Variants in GRM7 observed in about 807,000 individuals in gnomAD.
GRM7 encodes the protein glutamate metabotropic receptor 7.
In GRM7, 35 loss-of-function variants were observed where a neutral mutation model predicts 84.5. The observed-to-expected ratio is 0.41, with a 90% CI of 0.32 to 0.55. The LOEUF (loss-of-function observed/expected upper bound fraction) is 0.55, where lower values mean the gene tolerates loss of function less well. GRM7 is among the 20% of genes least tolerant of loss of function. The pLI is 0.19. For synonymous variants in GRM7, 487 were observed against 455.1 expected (o/e 1.07, Z -0.89); for missense variants, 1,003 against 1,194.6 (o/e 0.84, Z 2.36).
At chr3:7,294,211 C>G (rs956842164) in intron 2 of GRM7, among the ~76,000 whole-genome samples, 1 of 152,204 alleles carries the variant, frequency 6.6e-6, no homozygotes, top group Non-Finnish European at 1.5e-5. Flanking sequence ...TGCCCCTCCA[C>G]TAGACATGTT....
chr3:7,084,719 T>A (rs1698384200), intron 1 of GRM7, among the ~76,000 whole-genome samples: 1 of 152,160 alleles, frequency 6.6e-6, no homozygotes, highest in Non-Finnish European at 1.5e-5. Flanking sequence ...GGAGTCACTC[T>A]TTAATAAATC....
rs1192553621 is a variant in GRM7, at chr3:6,861,344, C to G, written c.-45C>G. 4.8e-6 allele frequency: 7 copies of G among 1,456,816 alleles called. No individual in the cohort carries two copies. The East Asian group carries it at 7.7e-5, about 16-fold the overall frequency. 90.2% of individuals were successfully genotyped at this position (1,456,816 alleles called of 1,614,324 possible). A position where few individuals can be genotyped will look rare whatever the true frequency, so the allele number is the denominator to read the frequency against. ...GCCCGGACCTCGGCGAGCCCACCAC[C>G]GTTCCCTCCAGCGCCGCCGCCGCCA... On this transcript the variant is annotated 5_prime_UTR_variant, in exon 1 of 10. Transcript: ENST00000357716. This position sits in a 1 kb window ranked among gnomAD's most constrained non-coding sequence, Gnocchi z 6.4.
chr3:7,286,487 G>C (rs1284125067), intron 2 of GRM7, among the ~76,000 whole-genome samples: 1 of 151,872 alleles, frequency 6.6e-6, no homozygotes, highest in African/African-American at 2.4e-5. Context: ...CAAAAGCTTT[G>C]GTTTTATTTT....
intron 1 of GRM7, among the ~76,000 whole-genome samples, chr3:7,041,232 A>G (rs376065599): frequency 2.0e-5 from 3 of 152,350 alleles, no homozygotes; most frequent in African/African-American, 4.8e-5. Context: ...ACCACAATCA[A>G]GATAACAAGC....
chr3:7,693,380 C>T (rs1218340940), intron 9 of GRM7, among the ~76,000 whole-genome samples: 1 of 152,040 alleles, frequency 6.6e-6, no homozygotes, highest in Non-Finnish European at 1.5e-5. Context: ...ACCCCCTCAT[C>T]ACCTGCTCCT....
intron 3 of GRM7, among the ~76,000 whole-genome samples, chr3:7,301,107 A>T (rs1407876934): frequency 6.6e-6 from 1 of 151,796 alleles, no homozygotes; most frequent in African/African-American, 2.4e-5. Flanking sequence ...AAAATGCATA[A>T]CTCTTATCCT....
chr3:7,468,676 C>A (rs1698561748), intron 7 of GRM7, among the ~76,000 whole-genome samples: 1 of 152,156 alleles, frequency 6.6e-6, no homozygotes, highest in African/African-American at 2.4e-5. Flanking sequence ...ATCTGTAATA[C>A]CCACATGTCA....
chr3:7,082,492 T>C (rs1400755192), intron 1 of GRM7, among the ~76,000 whole-genome samples: 1 of 152,138 alleles, frequency 6.6e-6, no homozygotes. Flanking sequence ...AGGAAATTCA[T>C]GTTTTCATGG....
At chr3:7,164,263 G>A (rs960910107) in intron 2 of GRM7, among the ~76,000 whole-genome samples, 2 of 152,184 alleles carry the variant, frequency 1.3e-5, no homozygotes, top group Non-Finnish European at 2.9e-5. Flanking sequence ...GGAGGCTGAG[G>A]CAGGAGAATC....
intron 2 of GRM7, among the ~76,000 whole-genome samples, chr3:7,283,244 T>C (rs990101507): frequency 6.6e-6 from 1 of 152,126 alleles, no homozygotes; most frequent in Non-Finnish European, 1.5e-5. Context: ...GTATTTAACC[T>C]CCTCGTGCTT....
chr3:6,865,277 G>A (rs897110036), intron 1 of GRM7, among the ~76,000 whole-genome samples: 24 of 152,214 alleles, frequency 1.6e-4, no homozygotes, highest in African/African-American at 5.1e-4. Context: ...ACAGAGTTGG[G>A]ATGGCTGGAA....
chr3:7,225,878 T>A (rs532795796), intron 2 of GRM7, among the ~76,000 whole-genome samples: 1 of 152,140 alleles, frequency 6.6e-6, no homozygotes, highest in African/African-American at 2.4e-5. Context: ...AATCCACTTA[T>A]AATGACTTTT....
At chr3:7,449,199 A>T (rs62233373) in intron 5 of GRM7, among the ~76,000 whole-genome samples, 1 of 151,918 alleles carries the variant, frequency 6.6e-6, no homozygotes, top group Non-Finnish European at 1.5e-5. Flanking sequence ...ATGAAATACC[A>T]GTAAAATGAT....
chr3:7,056,274 A>G lies in GRM7; in HGVS notation c.520-90178A>G, dbSNP rs181526084. On this transcript the variant is annotated intron_variant, in intron 1 of 9. Transcript: ENST00000357716. ...TAGAGTTCTCAATGGCAGAGCTTCT[A>G]CAGGCATCGTGGCCATGGTCAGTTT... 3.0e-4 allele frequency among the ~76,000 whole-genome samples: 45 copies of G among 152,100 alleles called. No homozygotes were observed. In the East Asian group the frequency reaches 7.6e-3, roughly 26 times the overall value.
rs1559467732 is a variant in GRM7, at chr3:7,143,524, T to C, written c.520-2928T>C. The stretch of plus-strand genomic sequence containing the variant: ...TCTTAAGCCAGGAGATATTCCTTAT[T>C]TACACCGGAAGGGATAGACCACAGA... On this transcript the variant is annotated intron_variant, in intron 1 of 9. Transcript: ENST00000357716. 3.9e-5 allele frequency among the ~76,000 whole-genome samples: 6 copies of C among 152,128 alleles called. No homozygotes were observed. In the South Asian group the frequency reaches 1.2e-3, roughly 31 times the overall value.
chr3:6,900,083 T>C (rs770008804), intron 1 of GRM7, among the ~76,000 whole-genome samples: 255 of 152,310 alleles, frequency 1.7e-3, no homozygotes, highest in Non-Finnish European at 2.8e-3. Flanking sequence ...GTAAGGAAAT[T>C]ATTAGTTAAG....
chr3:7,656,109 C>G (rs985137451), intron 8 of GRM7, among the ~76,000 whole-genome samples: 2 of 152,118 alleles, frequency 1.3e-5, no homozygotes, highest in Admixed American at 1.3e-4. Flanking sequence ...GGGGTTCTGT[C>G]TAGTGCATGG....
At chr3:7,124,421 G>C (rs138991420) in intron 1 of GRM7, among the ~76,000 whole-genome samples, 1 of 152,110 alleles carries the variant, frequency 6.6e-6, no homozygotes, top group Non-Finnish European at 1.5e-5. Flanking sequence ...CAGGAGAATC[G>C]CTTCAACCCG....
chr3:7,428,606 C>T (rs991144481), intron 5 of GRM7, among the ~76,000 whole-genome samples: 1 of 152,120 alleles, frequency 6.6e-6, no homozygotes, highest in Non-Finnish European at 1.5e-5. Flanking sequence ...AGATGTTTGC[C>T]TACCATTTAT....
Sources: allele counts gnomAD v4.1 joint callset (sites outside exome capture counted in the v4.1 genomes callset), GRCh38; gene constraint gnomAD v4.1.1; non-coding constraint Gnocchi (gnomAD v3.1); transcripts MANE v1.5; gene names NCBI Gene and HGNC (gene_info 2026-07-23, HGNC 2026-07-21).